The following SEC16B variants were observed in gnomAD, a reference collection of about 807,000 sequenced individuals.
The protein encoded by SEC16B is SEC16 homolog B, endoplasmic reticulum export factor.
SEC16B carries 115 observed loss-of-function variants against 141.8 expected under a neutral mutation model. The ratio of observed to expected loss-of-function variants is 0.81; its 90% CI spans 0.70 to 0.95. SEC16B has a LOEUF of 0.95. Among genes scored for constraint, SEC16B ranks in the 40% least tolerant of loss-of-function variants. The pLI is 0.00. For missense variants in SEC16B, 1,291 were observed against 1,312.3 expected (o/e 0.98, Z 0.25); for synonymous variants, 493 against 492.5 (o/e 1.00, Z -0.01).
intron 5 of SEC16B, among the ~76,000 whole-genome samples, chr1:177,962,659 T>A (rs568299863): frequency 6.6e-6 from 1 of 151,800 alleles, no homozygotes; most frequent in South Asian, 2.1e-4. Context: ...GGTGGAAGGA[T>A]CACCTGAGCC....
At chr1:177,951,042 A>G (rs1652156348) in intron 12 of SEC16B, among the ~76,000 whole-genome samples, 1 of 151,288 alleles carries the variant, frequency 6.6e-6, no homozygotes, top group South Asian at 2.1e-4. Flanking sequence ...GGAGGAAGGA[A>G]GGAAGGAAAG....
intron 12 of SEC16B, among the ~76,000 whole-genome samples, chr1:177,951,519 C>T (rs1009964773): frequency 6.6e-6 from 1 of 152,192 alleles, no homozygotes; most frequent in African/African-American, 2.4e-5. Flanking sequence ...GGCAGCCCTG[C>T]CAGGGGAAGC....
intron 8 of SEC16B, chr1:177,959,352 A>T (rs1030233982): frequency 3.6e-5 from 10 of 274,594 alleles, no homozygotes; most frequent in African/African-American, 2.0e-4. Context: ...TGTCCCCTAA[A>T]ATAGGGACAG....
At chr1:177,956,542 A>G (rs75552107) in intron 10 of SEC16B, among the ~76,000 whole-genome samples, 3,689 of 152,176 alleles carry the variant, frequency 0.024, 77 homozygotes, top group East Asian at 0.13. Context: ...TCCCAAGTAT[A>G]TCTTTTTTAT....
chr1:177,930,529 C>A lies in SEC16B; in HGVS notation c.3111+16G>T. ...CTGTACTCCTGGCCAGCCCCTCCCC[C>A]TGAGGGCTTCCTTACCTGAGGCACC... On this transcript the variant is annotated intron_variant, in intron 25 of 25. Coordinates refer to ENST00000308284, the MANE Select transcript of SEC16B (RefSeq NM_033127.4). 2 of 1,600,056 alleles carry A rather than the reference C, an allele frequency of 1.2e-6. No individual in the cohort carries two copies. Among genetic ancestry groups the A allele is most frequent in the South Asian group, 1.1e-5 (1 of 90,168 alleles).
In SEC16B at chr1:177,952,019, G is replaced by C. The variant is rs369477949; in HGVS notation, c.1464-24C>G. 3 of 1,575,962 alleles carry C rather than the reference G, an allele frequency of 1.9e-6. No individual in the cohort carries two copies. The African/African-American group carries it at 4.1e-5, about 21-fold the overall frequency. ...AGCTGCGGAGAGAAGGATAGTCAGC[G>C]AGGACCAAGCCCAGGGAACCTCTTT... On this transcript the variant is annotated intron_variant, in intron 11 of 25. Transcript: ENST00000308284.
rs1651317963 is a variant in SEC16B at position 177,942,052 on chromosome 1, A to G, written c.1882-12T>C. On this transcript the variant is annotated splice_polypyrimidine_tract_variant and intron_variant, in intron 15 of 25. Transcript: ENST00000308284. ...AGGAGCTTATACACCTGTGAAGAGA[A>G]AAGAGTCAGTGACTAGTCCATCCAG... 1 of 1,609,386 alleles carries G rather than the reference A, an allele frequency of 6.2e-7. No individual in the cohort carries two copies. The highest frequency in any genetic ancestry group is 8.5e-7 in the Non-Finnish European group (1 of 1,177,606).
chr1:177,981,874 G>T (rs1171329104), intron 1 of SEC16B, among the ~76,000 whole-genome samples: 1 of 152,158 alleles, frequency 6.6e-6, no homozygotes, highest in Non-Finnish European at 1.5e-5. Flanking sequence ...TTTATACTTT[G>T]CTTCTTTCCT....
Position 177,932,719 on chromosome 1 carries a change from T to C in SEC16B, c.2911A>G (p.Ser971Gly). ...SPESPPLPDV[S>G]AFSRGRGGGE... Reference sequence around the variant, plus strand: ...GTACCTCTGCCCCTGGAGAAGGCACTAACATCCGGCAGAGGTGGGGACTCA... The same window carrying C: ...GTACCTCTGCCCCTGGAGAAGGCACCAACATCCGGCAGAGGTGGGGACTCA... Residue 971 changes from serine to glycine, a missense_variant, in exon 23 of 26, where the codon AGT (serine) becomes GGT (glycine). Physicochemically the swap from Ser to Gly is moderately conservative, Grantham distance 56 (BLOSUM62 0). Transcript: ENST00000308284. The C allele has an allele frequency of 6.2e-7, 1 of 1,600,864 alleles. No individual in the cohort carries two copies. The highest frequency in any genetic ancestry group is 8.5e-7 in the Non-Finnish European group (1 of 1,174,240).
At position 177,954,302 on chromosome 1, in the gene SEC16B, CTG is replaced by C. The variant is rs779404579; in HGVS notation, c.1438_1439del (p.Gln480AspfsTer17). The C allele has an allele frequency of 1.7e-5, 27 of 1,568,466 alleles. No homozygotes were observed. The highest frequency in any genetic ancestry group is 2.2e-5 in the Non-Finnish European group (25 of 1,155,848). On this transcript the variant is annotated frameshift_variant, in exon 11 of 26. Transcript: ENST00000308284. LOFTEE classifies it high-confidence loss of function. ...ALFLSSKMDP[Q>X]TYSWVMSGFT... ...ACCCACTCATGACCCAGCTGTAGGT[CTG>C]TGGGTCCATCTTGCTGGACAGGAAC...
At chr1:177,975,999 C>T (rs917447034) in intron 1 of SEC16B, among the ~76,000 whole-genome samples, 13 of 152,080 alleles carry the variant, frequency 8.5e-5, no homozygotes, top group African/African-American at 2.9e-4. Context: ...ATTAGCCTGG[C>T]ACAGGTGCCA....
chr1:177,937,661 A>T, intron 18 of SEC16B, 148 bp from the exon 19 acceptor site: 2 of 634,112 alleles, frequency 3.2e-6, no homozygotes. Context: ...ACATGATGAC[A>T]AGTAAAACAC....
Position 177,937,398 on chromosome 1 carries a change from C to T in SEC16B, c.2319G>A (p.Gln773=). 6.2e-7 allele frequency: 1 copy of T among 1,611,666 alleles called. No individual in the cohort carries two copies. The highest frequency in any genetic ancestry group is 8.5e-7 in the Non-Finnish European group (1 of 1,179,034). ...AGCCCGGCTGGAGGGGAAAGGGCTG[C>T]TGTGGGCTGGGCTGGAGCAGGCAGG... ...EQTCLLQPSP[Q]QPFPLQPGSY... is the part of the protein sequence containing the mutation. The change falls in exon 19 of 26, where the codon CAG becomes CAA. Residue 773 remains glutamine, a synonymous_variant. Coordinates refer to ENST00000308284, the MANE Select transcript of SEC16B (RefSeq NM_033127.4).
chr1:177,941,818 T>C, intron 16 of SEC16B, 82 bp downstream of exon 16: 1 of 1,455,332 alleles, frequency 6.9e-7, no homozygotes, highest in Non-Finnish European at 9.3e-7. Context: ...GAAGATGAAA[T>C]GTAGAGTCTA....
At chr1:177,933,114 G>T in intron 22 of SEC16B, 100 bp downstream of exon 22, 2 of 923,760 alleles carry the variant, frequency 2.2e-6, no homozygotes, top group Non-Finnish European at 3.3e-6. Flanking sequence ...TGTGGCCTGG[G>T]GTAGACTCAG....
intron 8 of SEC16B, 52 bp from the exon 9 acceptor site, chr1:177,959,027 G>T: frequency 6.4e-7 from 1 of 1,574,356 alleles, no homozygotes; most frequent in South Asian, 1.2e-5. Context: ...ACACTTCCCT[G>T]TTTCGGACCC....
chr1:177,967,565 G>T, intron 2 of SEC16B, 118 bp downstream of exon 2: 1 of 1,058,774 alleles, frequency 9.4e-7, no homozygotes, highest in Non-Finnish European at 1.3e-6. Context: ...ACGTAGTAAG[G>T]TAGAGAAGGA....
At chr1:177,954,497 C>T in intron 10 of SEC16B, 121 bp from the exon 11 acceptor site, 1 of 716,590 alleles carries the variant, frequency 1.4e-6, no homozygotes, top group Non-Finnish European at 2.4e-6. Flanking sequence ...CTCTTAGAGC[C>T]TCATATAAGA....
At position 177,961,644 on chromosome 1, in the gene SEC16B, C is replaced by T. The variant is rs1244042488; in HGVS notation, c.733G>A (p.Ala245Thr). ...GCTGGGGGATCATCCCGCTCCGGGG[C>T]ATCTCTGATGTACTGACTGAGCTCA... ...SYELSQYIRD[A>T]PERDDPPASA... The change falls in exon 6 of 26, where the codon GCC becomes ACC. Residue 245 changes from alanine (A) to threonine (T), a missense_variant. By Grantham distance (58) the Ala-to-Thr change is moderately conservative (BLOSUM62 0). This residue lies in a region of SEC16B where 681 missense variants were observed against 675.5 expected (regional missense o/e 1.01). Transcript: ENST00000308284. 1 of 1,613,992 alleles carries T rather than the reference C, an allele frequency of 6.2e-7. No homozygotes were observed. The highest frequency in any genetic ancestry group is 8.5e-7 in the Non-Finnish European group (1 of 1,179,878).
Sources: allele counts gnomAD v4.1 joint callset (sites outside exome capture counted in the v4.1 genomes callset), GRCh38; gene constraint gnomAD v4.1.1; regional missense constraint gnomAD v4.1.1; transcripts MANE v1.5; gene names NCBI Gene and HGNC (gene_info 2026-07-23, HGNC 2026-07-21).